Variants in KCNT2 observed in about 807,000 individuals in gnomAD.
KCNT2 encodes the protein potassium sodium-activated channel subfamily T member 2.
Under a neutral mutation model 153.8 loss-of-function variants are expected in KCNT2, and 67 were observed. The ratio of observed to expected loss-of-function variants is 0.44; its 90% confidence interval spans 0.36 to 0.53. KCNT2 has a LOEUF of 0.53. KCNT2 is among the 20% of genes least tolerant of loss of function. The pLI is 0.00. For missense variants in KCNT2, 975 were observed against 1,354.8 expected, an observed-to-expected ratio of 0.72 and a Z score of 4.40; for synonymous variants, 500 against 458.8, an observed-to-expected ratio of 1.09 and a Z score of -1.15.
chr1:196,452,867 G>T (rs544642968), intron 8 of KCNT2, among the ~76,000 whole-genome samples: 2 of 151,822 alleles, frequency 1.3e-5, no homozygotes, highest in Admixed American at 6.6e-5. Flanking sequence ...ACCTTCAACT[G>T]ATGAGGTCCA....
At chr1:196,446,820 C>T (rs548309369) in intron 8 of KCNT2, among the ~76,000 whole-genome samples, 1 of 151,544 alleles carries the variant, frequency 6.6e-6, no homozygotes, top group Non-Finnish European at 1.5e-5. Flanking sequence ...CTAAGCTATA[C>T]TGTCTTTCCT....
At chr1:196,494,850 A>T (rs1680131872) in intron 1 of KCNT2, among the ~76,000 whole-genome samples, 1 of 152,190 alleles carries the variant, frequency 6.6e-6, no homozygotes, top group South Asian at 2.1e-4. Flanking sequence ...ATTAAATAGA[A>T]TATTAGATAA....
chr1:196,249,288 G>A (rs1655738627), intron 26 of KCNT2, among the ~76,000 whole-genome samples: 1 of 152,112 alleles, frequency 6.6e-6, no homozygotes, highest in Non-Finnish European at 1.5e-5. Context: ...CATACTGCTG[G>A]AAGGTGTATA....
intron 25 of KCNT2, among the ~76,000 whole-genome samples, chr1:196,259,269 T>C (rs1465168047): frequency 6.6e-6 from 1 of 152,154 alleles, no homozygotes; most frequent in African/African-American, 2.4e-5. Context: ...TATTATGACT[T>C]ACTCTTTTAT....
intron 1 of KCNT2, among the ~76,000 whole-genome samples, chr1:196,575,492 T>A (rs1203242235): frequency 6.6e-6 from 1 of 151,994 alleles, no homozygotes; most frequent in Non-Finnish European, 1.5e-5. Context: ...ATTGTTCCAA[T>A]TATAAGAGGT....
At position 196,338,828 on chromosome 1, in the gene KCNT2, C is replaced by T. The variant is rs138528917; in HGVS notation, c.1783+1513G>A. Among the ~76,000 whole-genome samples, 34 of 150,822 alleles carry T rather than the reference C, an allele frequency of 2.3e-4. No homozygotes were observed. In the East Asian group the frequency reaches 6.5e-3, roughly 29 times the overall value. ...GAAAAAAACTGAATGATTCTAGGGG[C>T]TATTTACTGACCAGATTTAATAGAA... is the stretch of plus-strand genomic sequence containing the variant. On this transcript the variant is annotated intron_variant, in intron 16 of 27. Coordinates refer to ENST00000294725, the MANE Select transcript of KCNT2 (RefSeq NM_198503.5).
At chr1:196,421,541 C>T (rs180795073) in intron 12 of KCNT2, among the ~76,000 whole-genome samples, 111 of 152,078 alleles carry the variant, frequency 7.3e-4, no homozygotes, top group African/African-American at 2.4e-3. Flanking sequence ...AATTAAGAAA[C>T]GATTAAAGTA....
chr1:196,400,794 A>G, intron 12 of KCNT2, among the ~76,000 whole-genome samples: 1 of 151,806 alleles, frequency 6.6e-6, no homozygotes, highest in Non-Finnish European at 1.5e-5. Flanking sequence ...CTATTAAAAA[A>G]TCTATAGAAC....
chr1:196,300,203 A>G (rs776334670), intron 22 of KCNT2, among the ~76,000 whole-genome samples: 2 of 152,222 alleles, frequency 1.3e-5, no homozygotes, highest in Non-Finnish European at 2.9e-5. Flanking sequence ...GACAGGGGCT[A>G]CAGAAGACAG....
chr1:196,503,365 C>G (rs1007671267), intron 1 of KCNT2, among the ~76,000 whole-genome samples: 5 of 152,082 alleles, frequency 3.3e-5, no homozygotes, highest in Non-Finnish European at 7.4e-5. Context: ...CTGTTCATCA[C>G]AAAACTATTT....
chr1:196,495,997 C>T (rs1680220798), intron 1 of KCNT2, among the ~76,000 whole-genome samples: 1 of 151,956 alleles, frequency 6.6e-6, no homozygotes, highest in African/African-American at 2.4e-5. Flanking sequence ...TTATTCCAAT[C>T]TTTAACTTTT....
At chr1:196,431,154 G>A (rs1280972724) in intron 8 of KCNT2, among the ~76,000 whole-genome samples, 2 of 152,086 alleles carry the variant, frequency 1.3e-5, no homozygotes, top group African/African-American at 2.4e-5. Flanking sequence ...CCTTGATCAT[G>A]AACTCCCCTT....
At chr1:196,399,665 G>A (rs1671246771) in intron 12 of KCNT2, among the ~76,000 whole-genome samples, 2 of 151,730 alleles carry the variant, frequency 1.3e-5, no homozygotes, top group South Asian at 4.1e-4. Flanking sequence ...TTTATGGTTG[G>A]AAACTGCTAT....
intron 1 of KCNT2, among the ~76,000 whole-genome samples, chr1:196,519,493 C>A (rs1653057322): frequency 6.6e-6 from 1 of 151,852 alleles, no homozygotes; most frequent in Non-Finnish European, 1.5e-5. Flanking sequence ...ATAAAAAAAT[C>A]ACTGAATCTG....
chr1:196,262,504 T>C (rs1657122342), intron 25 of KCNT2, among the ~76,000 whole-genome samples: 1 of 152,036 alleles, frequency 6.6e-6, no homozygotes, highest in Admixed American at 6.6e-5. Context: ...AGAATCCTTA[T>C]CTGATATTTT....
chr1:196,584,584 G>A lies in KCNT2; in HGVS notation c.95+23631C>T, dbSNP rs1411971792. ...CTGGACCATTAAATCAACAGAGTAT[G>A]AGGATGAGACAGAAAGAGTACAGAT... On this transcript the variant is annotated intron_variant, in intron 1 of 27. Transcript: ENST00000294725. Among the ~76,000 whole-genome samples, 9 of 152,252 alleles carry A rather than the reference G, an allele frequency of 5.9e-5. 1 individual carries two copies. The East Asian group carries it at 1.7e-3, about 29-fold the overall frequency.
intron 22 of KCNT2, among the ~76,000 whole-genome samples, chr1:196,304,469 T>C (rs1661449651): frequency 6.6e-6 from 1 of 152,124 alleles, no homozygotes; most frequent in Non-Finnish European, 1.5e-5. Context: ...TCCTCCTGTC[T>C]CAGCTTCCCA....
intron 25 of KCNT2, 94 bp from the exon 26 acceptor site, chr1:196,258,588 T>C (rs1656724514): frequency 7.3e-6 from 7 of 954,782 alleles, no homozygotes; most frequent in Non-Finnish European, 1.1e-5. Flanking sequence ...TATTGTTATA[T>C]TTCTACTCAG....
At chr1:196,503,739 C>A (rs1215651477) in intron 1 of KCNT2, among the ~76,000 whole-genome samples, 3 of 152,124 alleles carry the variant, frequency 2.0e-5, no homozygotes, top group Non-Finnish European at 2.9e-5. Flanking sequence ...CTGGAAGTTA[C>A]ATGAACACAC....
Sources: allele counts gnomAD v4.1 joint callset (sites outside exome capture counted in the v4.1 genomes callset), GRCh38; gene constraint gnomAD v4.1.1; transcripts MANE v1.5; gene names NCBI Gene and HGNC (gene_info 2026-07-23, HGNC 2026-07-21).